Variants in RAB7A observed in about 807,000 individuals in gnomAD.
The protein encoded by RAB7A is ras-related protein Rab-7a.
Under a neutral mutation model 24.5 loss-of-function variants are expected in RAB7A, and 2 were observed. The ratio of observed to expected loss-of-function variants is 0.08; its 90% CI spans 0.03 to 0.26. The LOEUF (loss-of-function observed/expected upper bound fraction) is 0.26. Ranked by LOEUF, RAB7A falls within the 10% of genes least tolerant of loss-of-function variation. RAB7A has a pLI of 1.00. For missense variants in RAB7A, 118 were observed against 255.7 expected (o/e 0.46, Z 3.67); for synonymous variants, 100 against 95.9 (o/e 1.04, Z -0.25).
chr3:128,770,834 G>A (rs2070877741), intron 1 of RAB7A, among the ~76,000 whole-genome samples: 1 of 151,656 alleles, frequency 6.6e-6, no homozygotes, highest in Admixed American at 6.6e-5. Flanking sequence ...AAGTGTAAAT[G>A]ATTTTTTTTT....
intron 1 of RAB7A, among the ~76,000 whole-genome samples, chr3:128,727,973 T>C (rs2070397565): frequency 6.6e-6 from 1 of 152,132 alleles, no homozygotes; most frequent in Non-Finnish European, 1.5e-5. Context: ...TTTTTTAACT[T>C]TGCTACCTAG....
intron 1 of RAB7A, chr3:128,764,742 A>G (rs2070812038): frequency 1.2e-6 from 1 of 805,096 alleles, no homozygotes; most frequent in African/African-American, 1.7e-5. Flanking sequence ...TCTCCCAGTC[A>G]TCACAGACTG....
At chr3:128,767,478 A>G (rs995461671) in intron 1 of RAB7A, among the ~76,000 whole-genome samples, 1 of 152,170 alleles carries the variant, frequency 6.6e-6, no homozygotes, top group Non-Finnish European at 1.5e-5. Context: ...GGGTAAGGAA[A>G]TAAATTAGGA....
At chr3:128,795,167 T>A in intron 1 of RAB7A, 193 bp from the exon 2 acceptor site, 1 of 642,956 alleles carries the variant, frequency 1.6e-6, no homozygotes, top group Non-Finnish European at 2.9e-6. Context: ...TGTGCTGTTC[T>A]GCCTCGCTCT....
At chr3:128,752,755 T>TA (rs1491543183) in intron 1 of RAB7A, among the ~76,000 whole-genome samples, 201 of 151,344 alleles carry the variant, frequency 1.3e-3, no homozygotes, top group African/African-American at 4.7e-3. Context: ...TTTTTTTTTT[T>TA]AAAGTGTTTA....
At chr3:128,778,729 GA>G (rs1195598505) in intron 1 of RAB7A, among the ~76,000 whole-genome samples, 1 of 152,178 alleles carries the variant, frequency 6.6e-6, no homozygotes, top group African/African-American at 2.4e-5. Context: ...GACATTTAAA[GA>G]AATAAAAGGA....
chr3:128,797,496 G>C (rs945890461), intron 2 of RAB7A, among the ~76,000 whole-genome samples: 2 of 152,166 alleles, frequency 1.3e-5, no homozygotes, highest in Non-Finnish European at 2.9e-5. Flanking sequence ...GTGTGTGTCT[G>C]CTGAAAGCCA....
intron 1 of RAB7A, among the ~76,000 whole-genome samples, chr3:128,750,917 A>C (rs114261227): frequency 0.054 from 8,224 of 152,326 alleles, 235 homozygotes; most frequent in Non-Finnish European, 0.058. Context: ...GCGTCTCAGC[A>C]GCTCCAGCCG....
At chr3:128,788,448 TTAG>T (rs34691131) in intron 1 of RAB7A, among the ~76,000 whole-genome samples, 15,219 of 152,152 alleles carry the variant, frequency 0.1, 801 homozygotes, top group South Asian at 0.16. Flanking sequence ...TGATGAGTGG[TTAG>T]TTACAATGGA....
At chr3:128,787,755 G>A (rs1242345044) in intron 1 of RAB7A, among the ~76,000 whole-genome samples, 1 of 152,232 alleles carries the variant, frequency 6.6e-6, no homozygotes, top group Non-Finnish European at 1.5e-5. Flanking sequence ...CTGTCACCCA[G>A]GCTGGAGGGC....
chr3:128,759,716 T>C (rs527383283), intron 1 of RAB7A, among the ~76,000 whole-genome samples: 2 of 152,210 alleles, frequency 1.3e-5, no homozygotes, highest in East Asian at 3.9e-4. Context: ...ATGGTGACTT[T>C]TTTTTTTTCT....
At chr3:128,773,505 C>T (rs561618051) in intron 1 of RAB7A, among the ~76,000 whole-genome samples, 2 of 138,678 alleles carry the variant, frequency 1.4e-5, no homozygotes, top group African/African-American at 2.6e-5. Flanking sequence ...CCGACCCGTC[C>T]GGGAGGTGGG....
intron 1 of RAB7A, among the ~76,000 whole-genome samples, chr3:128,745,825 C>T (rs1397485883): frequency 6.6e-6 from 1 of 152,220 alleles, no homozygotes; most frequent in Non-Finnish European, 1.5e-5. Context: ...GCCAGTTGTC[C>T]TCTTGACTTG....
At chr3:128,773,857 T>G (rs2107602091) in intron 1 of RAB7A, among the ~76,000 whole-genome samples, 1 of 152,110 alleles carries the variant, frequency 6.6e-6, no homozygotes, top group African/African-American at 2.4e-5. Flanking sequence ...CAAGATGTGC[T>G]TTGTTAAACA....
chr3:128,770,408 A>G (rs2070874232), intron 1 of RAB7A, among the ~76,000 whole-genome samples: 2 of 152,214 alleles, frequency 1.3e-5, no homozygotes, highest in South Asian at 2.1e-4. Flanking sequence ...AGTCCAAATC[A>G]GTGGCCTCCT....
chr3:128,742,433 TC>T (rs2070563969), intron 1 of RAB7A, among the ~76,000 whole-genome samples: 3 of 152,152 alleles, frequency 2.0e-5, no homozygotes, highest in African/African-American at 7.2e-5. Context: ...TATTCCCTTA[TC>T]TGATCCCAGC....
At chr3:128,802,840 T>C (rs759439577) in intron 3 of RAB7A, among the ~76,000 whole-genome samples, 2 of 152,072 alleles carry the variant, frequency 1.3e-5, no homozygotes, top group Non-Finnish European at 2.9e-5. Context: ...GGAGTCTCAC[T>C]GTCGCCCAGG....
At chr3:128,727,539 CAT>C (rs1455939218) in intron 1 of RAB7A, among the ~76,000 whole-genome samples, 2 of 152,196 alleles carry the variant, frequency 1.3e-5, no homozygotes, top group Admixed American at 6.5e-5. Context: ...ACTTATCACA[CAT>C]ATTGTGGTGT....
chr3:128,756,980 A>T (rs2070734688), intron 1 of RAB7A, among the ~76,000 whole-genome samples: 1 of 151,854 alleles, frequency 6.6e-6, no homozygotes, highest in African/African-American at 2.4e-5. Flanking sequence ...AGTAGCTGGG[A>T]CTACAGGCGC....
Sources: gnomAD v4.1 joint callset for allele counts (sites outside exome capture counted in the v4.1 genomes callset) on GRCh38, gnomAD v4.1.1 for gene constraint, MANE v1.5 for transcripts, NCBI Gene and HGNC (gene_info 2026-07-23, HGNC 2026-07-21) for gene names.